Variants in RELN observed in about 807,000 individuals in gnomAD.
RELN encodes reelin.
RELN carries 108 observed loss-of-function variants against 427.6 expected under a neutral mutation model. The ratio of observed to expected loss-of-function variants is 0.25; its 90% CI spans 0.22 to 0.30. The LOEUF is 0.30. RELN is among the 10% of genes least tolerant of loss of function. The probability of loss-of-function intolerance (pLI) is 1.00; values close to 1 mark genes in which losing one functional copy is unlikely to be tolerated. For synonymous variants in RELN, 1,524 were observed against 1,513.4 expected (o/e 1.01, Z -0.16); for missense variants, 3,715 against 4,302.8 (o/e 0.86, Z 3.82).
At chr7:103,901,042 T>A (rs1341900435) in intron 2 of RELN, among the ~76,000 whole-genome samples, 1 of 152,026 alleles carries the variant, frequency 6.6e-6, no homozygotes, top group East Asian at 1.9e-4. Flanking sequence ...CTGTCCATAC[T>A]GTTACAACTC....
intron 30 of RELN, 87 bp downstream of exon 30, chr7:103,574,005 A>G: frequency 9.7e-7 from 1 of 1,025,742 alleles, no homozygotes; most frequent in Non-Finnish European, 1.5e-6. Flanking sequence ...ATATATTCCC[A>G]ATAACAGAAC....
At chr7:103,807,221 G>A (rs556163019) in intron 3 of RELN, among the ~76,000 whole-genome samples, 91 of 152,106 alleles carry the variant, frequency 6.0e-4, no homozygotes, top group Non-Finnish European at 1.2e-3. Flanking sequence ...CACCCAAAGA[G>A]CCAAGAAGAC....
chr7:103,802,285 C>T (rs1301199293), intron 3 of RELN, among the ~76,000 whole-genome samples: 1 of 152,108 alleles, frequency 6.6e-6, no homozygotes, highest in African/African-American at 2.4e-5. Context: ...TAAAGTTTAT[C>T]ATTTTCAATG....
At chr7:103,973,166 C>G (rs1420243595) in intron 1 of RELN, among the ~76,000 whole-genome samples, 1 of 152,146 alleles carries the variant, frequency 6.6e-6, no homozygotes, top group Non-Finnish European at 1.5e-5. Flanking sequence ...ATAATCCAAC[C>G]CATTTGGTGC....
At chr7:103,670,526 T>C (rs1219368463) in intron 11 of RELN, among the ~76,000 whole-genome samples, 2 of 112,124 alleles carry the variant, frequency 1.8e-5, no homozygotes, top group Non-Finnish European at 4.0e-5. Context: ...AATGTGATTC[T>C]AGTGTTTTGC....
At chr7:103,564,377 T>C (rs1830701895) in intron 34 of RELN, among the ~76,000 whole-genome samples, 1 of 152,286 alleles carries the variant, frequency 6.6e-6, no homozygotes, top group Non-Finnish European at 1.5e-5. Flanking sequence ...GAGAAGCCAG[T>C]AGAAGCAGTG....
At chr7:103,883,898 C>T (rs77806827) in intron 2 of RELN, among the ~76,000 whole-genome samples, 1 of 152,160 alleles carries the variant, frequency 6.6e-6, no homozygotes. Context: ...TGTCAAGTTG[C>T]CATTGACTTT....
At chr7:103,979,326 T>A (rs1796942661) in intron 1 of RELN, among the ~76,000 whole-genome samples, 1 of 152,204 alleles carries the variant, frequency 6.6e-6, no homozygotes. Flanking sequence ...CCCCACTTCT[T>A]ATCACTAGAC....
chr7:103,965,471 T>C (rs1584406452), intron 1 of RELN, among the ~76,000 whole-genome samples: 1 of 152,306 alleles, frequency 6.6e-6, no homozygotes, highest in East Asian at 1.9e-4. Flanking sequence ...TGGAATATTA[T>C]AGCCCTATAC....
intron 2 of RELN, among the ~76,000 whole-genome samples, chr7:103,887,248 A>G (rs1426180616): frequency 6.6e-6 from 1 of 152,170 alleles, no homozygotes; most frequent in Admixed American, 6.5e-5. Context: ...GATTTACACC[A>G]ATCTTGGTGT....
In RELN at chr7:103,630,843, ATTTTTTTGTTTTTTTTG is replaced by A. The variant is rs1183684705; in HGVS notation, c.2466-684_2466-668del. On this transcript the variant is annotated intron_variant, in intron 19 of 64. Coordinates refer to ENST00000428762, the MANE Select transcript of RELN (RefSeq NM_005045.4). ...AAAGACACACTGAAAGGGCTGAGTT[ATTTTTTTGTTTTTTTTG>A]TTTTTTTTTTTTTTGTTTTTTAACT... Among the ~76,000 whole-genome samples, 439 of 94,224 alleles carry A rather than the reference ATTTTTTTGTTTTTTTTG, an allele frequency of 4.7e-3. 2 individuals are homozygous for A. The highest frequency in any genetic ancestry group is 0.018 in the African/African-American group (366 of 20,478). 61.8% of individuals were successfully genotyped at this position (94,224 alleles called of 152,430 possible).
Position 103,769,134 on chromosome 7 carries a change from G to C in RELN, c.544+7423C>G, listed in dbSNP as rs114689327. Among the ~76,000 whole-genome samples the C allele has an allele frequency of 8.3e-3, 1,260 of 152,172 alleles. 15 individuals are homozygous for C. The highest frequency in any genetic ancestry group is 0.028 in the African/African-American group (1,172 of 41,506). ...TATGATGTACTGAACCTGTGCTTTGGGCCAGGGACTCTGGAAAGTAAGGTC... is the reference window on the plus strand; with the variant it reads ...TATGATGTACTGAACCTGTGCTTTGCGCCAGGGACTCTGGAAAGTAAGGTC... On this transcript the variant is annotated intron_variant, in intron 4 of 64. Transcript: ENST00000428762.
At chr7:103,505,654 A>C (rs1562858882) in intron 51 of RELN, among the ~76,000 whole-genome samples, 1 of 152,064 alleles carries the variant, frequency 6.6e-6, no homozygotes, top group South Asian at 2.1e-4. Flanking sequence ...AAGCCAGAAA[A>C]TTCCAAAAGC....
intron 10 of RELN, among the ~76,000 whole-genome samples, chr7:103,687,758 CAAAT>C (rs953169004): frequency 6.6e-6 from 1 of 151,778 alleles, no homozygotes; most frequent in African/African-American, 2.4e-5. Context: ...AGCCTCAGAC[CAAAT>C]AAATAAATAA....
intron 24 of RELN, among the ~76,000 whole-genome samples, chr7:103,601,778 C>T (rs1044797081): frequency 6.6e-6 from 1 of 152,084 alleles, no homozygotes; most frequent in Non-Finnish European, 1.5e-5. Context: ...GGTGGTTACC[C>T]CTCTCGCATC....
At chr7:103,889,989 A>G (rs1033121877) in intron 2 of RELN, among the ~76,000 whole-genome samples, 1 of 151,954 alleles carries the variant, frequency 6.6e-6, no homozygotes, top group Non-Finnish European at 1.5e-5. Context: ...CACCAAATGA[A>G]TTCTTTTTTC....
At chr7:103,551,825 C>T (rs927635446) in intron 40 of RELN, among the ~76,000 whole-genome samples, 1 of 151,950 alleles carries the variant, frequency 6.6e-6, no homozygotes, top group East Asian at 1.9e-4. Context: ...CTTATATATA[C>T]TTAAGGTGTA....
At chr7:103,761,356 C>T (rs1430446610) in intron 4 of RELN, among the ~76,000 whole-genome samples, 1 of 152,154 alleles carries the variant, frequency 6.6e-6, no homozygotes, top group East Asian at 1.9e-4. Context: ...GATATCCACA[C>T]ATTTTTCAAA....
rs1295759257 is a variant in RELN at position 103,603,097 on chromosome 7, C to G, written c.3333+207G>C. ...GGTAGAAGTTTTAAACTGGCTTAAC[C>G]TGATTTTTTAGTAACCAAAAAGAGT... On this transcript the variant is annotated intron_variant, in intron 24 of 64. Coordinates refer to ENST00000428762, the MANE Select transcript of RELN (RefSeq NM_005045.4). The surrounding 1 kb of genome is among the most constrained non-coding windows in gnomAD (Gnocchi z 4.3). Among the ~76,000 whole-genome samples, 1 of 152,144 alleles carries G rather than the reference C, an allele frequency of 6.6e-6. No homozygotes were observed. The highest frequency in any genetic ancestry group is 1.5e-5 in the Non-Finnish European group (1 of 68,032).
Sources: allele counts gnomAD v4.1 joint callset (sites outside exome capture counted in the v4.1 genomes callset), GRCh38; gene constraint gnomAD v4.1.1; non-coding constraint Gnocchi (gnomAD v3.1); transcripts MANE v1.5; gene names NCBI Gene and HGNC (gene_info 2026-07-23, HGNC 2026-07-21).